SFMBT2: variants seen among roughly 807,000 people sequenced by gnomAD.
SFMBT2 encodes the protein scm-like with four MBT domains protein 2.
In SFMBT2, 38 loss-of-function variants were observed where a neutral mutation model predicts 110.1. The observed-to-expected ratio is 0.35, with a 90% CI of 0.27 to 0.45. The LOEUF is 0.45. Ranked by LOEUF, SFMBT2 falls within the 20% of genes least tolerant of loss-of-function variation. The pLI is 1.00. For synonymous variants in SFMBT2, 425 were observed against 425.4 expected (o/e 1.00, Z 0.01); for missense variants, 1,011 against 1,094.9 (o/e 0.92, Z 1.08).
At chr10:7,214,383 C>G (rs1839461189) in intron 11 of SFMBT2, among the ~76,000 whole-genome samples, 1 of 152,178 alleles carries the variant, frequency 6.6e-6, no homozygotes, top group Admixed American at 6.5e-5. Flanking sequence ...GAAGGAAAGG[C>G]CAGCATAACA....
chr10:7,210,412 G>C (rs1430216909), intron 11 of SFMBT2, among the ~76,000 whole-genome samples: 1 of 152,182 alleles, frequency 6.6e-6, no homozygotes, highest in South Asian at 2.1e-4. Flanking sequence ...CTGGGCAGCA[G>C]AGGCAGGAGG....
chr10:7,163,653 C>G lies in SFMBT2; in HGVS notation c.*117G>C. On this transcript the variant is annotated 3_prime_UTR_variant, in exon 21 of 21. Coordinates refer to ENST00000397167, the MANE Select transcript of SFMBT2 (RefSeq NM_001387889.1). This position sits in a 1 kb window ranked among gnomAD's most constrained non-coding sequence, Gnocchi z 4.8. ...CAGAAGATCCTGGGCTTCTGGTTTT[C>G]TGGTGATACTTAGTGGCTGTACCAT... 1.1e-6 allele frequency: 1 copy of G among 906,704 alleles called. No individual in the cohort carries two copies. The highest frequency in any genetic ancestry group is 1.7e-6 in the Non-Finnish European group (1 of 599,732). 56.2% of individuals were successfully genotyped at this position (906,704 alleles called of 1,614,324 possible).
chr10:7,205,019 A>C lies in SFMBT2; in HGVS notation c.1444+796T>G, dbSNP rs956171569. Reference sequence around the variant, plus strand: ...TAACCAAAGGGACGTGTGGTAATATACTTTATAAAGTACAGTTGAAATATC... The same window carrying C: ...TAACCAAAGGGACGTGTGGTAATATCCTTTATAAAGTACAGTTGAAATATC... On this transcript the variant is annotated intron_variant, in intron 12 of 20. Coordinates refer to ENST00000397167, the MANE Select transcript of SFMBT2 (RefSeq NM_001387889.1). 45 of 694,228 alleles carry C rather than the reference A, an allele frequency of 6.5e-5. No homozygotes were observed. In the African/African-American group the frequency reaches 8.7e-4, roughly 13 times the overall value. 43.0% of individuals were successfully genotyped at this position (694,228 alleles called of 1,614,324 possible). A position where few individuals can be genotyped will look rare whatever the true frequency, so the allele number is the denominator to read the frequency against.
chr10:7,220,510 T>A lies in SFMBT2; in HGVS notation c.1231A>T (p.Asn411Tyr), dbSNP rs1478645910. Reference protein sequence around the residue: ...NTSFSRGFTKNMKLEAVNPRN... With the variant: ...NTSFSRGFTKYMKLEAVNPRN... ...GGGTTCACAGCTTCAAGTTTCATGTTCTTTGTGAAACCTCGACTGAATGAT... is the reference window on the plus strand; with the variant it reads ...GGGTTCACAGCTTCAAGTTTCATGTACTTTGTGAAACCTCGACTGAATGAT... Residue 411 changes from asparagine to tyrosine, a missense_variant, in exon 11 of 21, where the codon AAC (asparagine) becomes TAC (tyrosine). This residue lies in a region of SFMBT2 where 979 missense variants were observed against 1,016.1 expected (regional missense o/e 0.96). Transcript: ENST00000397167. The A allele has an allele frequency of 6.2e-7, 1 of 1,614,150 alleles. No homozygotes were observed.
chr10:7,358,308 A>G (rs1844590740), intron 4 of SFMBT2, among the ~76,000 whole-genome samples: 1 of 142,828 alleles, frequency 7.0e-6, no homozygotes, highest in Non-Finnish European at 1.6e-5. Flanking sequence ...ATGGCCATGG[A>G]ACATCTGCAT....
chr10:7,258,011 A>ATT (rs1429319107), intron 7 of SFMBT2, among the ~76,000 whole-genome samples: 6 of 152,188 alleles, frequency 3.9e-5, no homozygotes, highest in African/African-American at 1.2e-4. Flanking sequence ...GGCTTGCTGC[A>ATT]ACCTCCGCCT....
chr10:7,355,420 A>G (rs967760534), intron 4 of SFMBT2, among the ~76,000 whole-genome samples: 2 of 152,232 alleles, frequency 1.3e-5, no homozygotes, highest in African/African-American at 4.8e-5. Flanking sequence ...TCAGTTGCCA[A>G]TGTAAAAAGT....
Position 7,367,803 on chromosome 10 carries a change from G to T in SFMBT2, c.282C>A (p.Ala94=), listed in dbSNP as rs1172605541. The T allele has an allele frequency of 1.2e-6, 2 of 1,614,048 alleles. No homozygotes were observed. Among genetic ancestry groups the T allele is most frequent in the Non-Finnish European group, 1.7e-6 (2 of 1,180,030 alleles). The change falls in exon 4 of 21, where the codon GCC becomes GCA. Residue 94 remains alanine, a synonymous_variant. Coordinates refer to ENST00000397167, the MANE Select transcript of SFMBT2 (RefSeq NM_001387889.1). This position sits in a 1 kb window ranked among gnomAD's most constrained non-coding sequence, Gnocchi z 6.2. The stretch of plus-strand genomic sequence containing the variant: ...GCTGCCCGCACGTGGTAATGATCGT[G>T]GCCACCCAGTACGTGTCCGGGTTGT... ...NKNNPDTYWV[A]TIITTCGQLL... is the part of the protein sequence containing the mutation.
chr10:7,316,346 G>A (rs1044443893), intron 4 of SFMBT2, among the ~76,000 whole-genome samples: 8 of 152,084 alleles, frequency 5.3e-5, no homozygotes, highest in African/African-American at 1.2e-4. Flanking sequence ...GGCAGTGAGC[G>A]TACCCCAAAG....
At chr10:7,336,188 C>T (rs1843713293) in intron 4 of SFMBT2, among the ~76,000 whole-genome samples, 1 of 152,142 alleles carries the variant, frequency 6.6e-6, no homozygotes, top group African/African-American at 2.4e-5. Context: ...GCCTACTTTC[C>T]TGCATAATTA....
intron 7 of SFMBT2, among the ~76,000 whole-genome samples, chr10:7,254,753 G>A (rs561453453): frequency 5.3e-5 from 8 of 152,082 alleles, no homozygotes; most frequent in East Asian, 1.9e-4. Flanking sequence ...GCTTGAACCC[G>A]GGAGGTGGAG....
At chr10:7,179,412 A>C (rs1279167915) in intron 16 of SFMBT2, among the ~76,000 whole-genome samples, 11 of 151,340 alleles carry the variant, frequency 7.3e-5, no homozygotes, top group East Asian at 5.8e-4. Context: ...AAAAAAAAAA[A>C]AAAACAAAAG....
chr10:7,222,933 G>C (rs1349801680), intron 10 of SFMBT2, among the ~76,000 whole-genome samples: 2 of 152,144 alleles, frequency 1.3e-5, no homozygotes, highest in Admixed American at 6.5e-5. Context: ...TGGGATTACA[G>C]GTGTGAGCCA....
At chr10:7,310,391 G>A (rs978867176) in intron 4 of SFMBT2, among the ~76,000 whole-genome samples, 1 of 152,184 alleles carries the variant, frequency 6.6e-6, no homozygotes, top group Admixed American at 6.5e-5. Flanking sequence ...AGTGCACCCC[G>A]TGCCCAAGGC....
intron 7 of SFMBT2, among the ~76,000 whole-genome samples, chr10:7,263,723 C>A (rs1403731729): frequency 1.3e-5 from 2 of 152,212 alleles, no homozygotes; most frequent in Non-Finnish European, 2.9e-5. Context: ...AACTCAGCTA[C>A]AAGTGTTTGA....
chr10:7,224,262 A>G (rs1346099033), intron 10 of SFMBT2, among the ~76,000 whole-genome samples: 1 of 152,182 alleles, frequency 6.6e-6, no homozygotes, highest in Non-Finnish European at 1.5e-5. Flanking sequence ...GCCTCTTGAG[A>G]AGCAGCTCAA....
At chr10:7,392,573 C>G (rs1284649549) in intron 1 of SFMBT2, among the ~76,000 whole-genome samples, 1 of 152,096 alleles carries the variant, frequency 6.6e-6, no homozygotes, top group East Asian at 1.9e-4. Context: ...GTTGATGCCT[C>G]TTTCACTTCC....
Position 7,170,952 on chromosome 10 carries a change from G to A in SFMBT2, c.2520C>T (p.Pro840=), listed in dbSNP as rs766799863. The part of the protein sequence containing the change: ...VRFIKLTDCA[P]LAKIFQEQDI... ...CCTGCTCCTGAAATATCTTGGCCAA[G>A]GGGGCACAGTCTGTCAGCTTAATGA... The change falls in exon 20 of 21, where the codon CCC becomes CCT. Residue 840 remains proline, a synonymous_variant. Coordinates refer to ENST00000397167, the MANE Select transcript of SFMBT2 (RefSeq NM_001387889.1). This position sits in a 1 kb window ranked among gnomAD's most constrained non-coding sequence, Gnocchi z 4.6. 5.0e-6 allele frequency: 8 copies of A among 1,614,168 alleles called. No homozygotes were observed. The highest frequency in any genetic ancestry group is 5.9e-6 in the Non-Finnish European group (7 of 1,180,026).
rs1846283195 is a variant in SFMBT2, at chr10:7,408,503, G to T, written c.-52+2358C>A. On this transcript the variant is annotated intron_variant, in intron 1 of 20. Transcript: ENST00000397167. This position sits in a 1 kb window ranked among gnomAD's most constrained non-coding sequence, Gnocchi z 5.7. ...CCCTATCATTTAAAAACGCTTCCAG[G>T]CACCTGGCCGCTGCCAGATCAGGTT... Among the ~76,000 whole-genome samples, 1 of 152,220 alleles carries T rather than the reference G, an allele frequency of 6.6e-6. No homozygotes were observed. The highest frequency in any genetic ancestry group is 1.5e-5 in the Non-Finnish European group (1 of 68,044).
Sources: gnomAD v4.1 joint callset for allele counts (sites outside exome capture counted in the v4.1 genomes callset) on GRCh38, gnomAD v4.1.1 for gene constraint, gnomAD v4.1.1 regional missense constraint, Gnocchi (gnomAD v3.1) non-coding constraint, MANE v1.5 for transcripts, NCBI Gene and HGNC (gene_info 2026-07-23, HGNC 2026-07-21) for gene names.